Variants in SBF2 observed in about 807,000 individuals in gnomAD.
SBF2 encodes the protein SET binding factor 2.
A neutral mutation model predicts 225.2 loss-of-function variants in SBF2; 112 were observed. That is an observed-to-expected ratio of 0.50 (90% CI 0.43 to 0.58). The LOEUF (loss-of-function observed/expected upper bound fraction) is 0.58. Among genes scored for constraint, SBF2 ranks in the 20% least tolerant of loss-of-function variants. The probability of loss-of-function intolerance (pLI) is 0.00; values close to 1 mark genes in which losing one functional copy is unlikely to be tolerated. For missense variants in SBF2, 1,996 were observed against 2,206.2 expected, an observed-to-expected ratio of 0.90 and a Z score of 1.91; for synonymous variants, 763 against 773.3, an observed-to-expected ratio of 0.99 and a Z score of 0.22.
At chr11:10,122,455 G>A (rs1007015593) in intron 2 of SBF2, among the ~76,000 whole-genome samples, 2 of 152,106 alleles carry the variant, frequency 1.3e-5, no homozygotes, top group African/African-American at 4.8e-5. Context: ...CTCAGAACAG[G>A]CCCTAAAAAC....
At chr11:10,267,295 A>G (rs887098592) in intron 1 of SBF2, among the ~76,000 whole-genome samples, 1 of 151,670 alleles carries the variant, frequency 6.6e-6, no homozygotes, top group Non-Finnish European at 1.5e-5. Flanking sequence ...ACTTTTAAAG[A>G]AATAAGTTTC....
chr11:10,073,225 T>C (rs1950964214), intron 2 of SBF2, among the ~76,000 whole-genome samples: 1 of 152,164 alleles, frequency 6.6e-6, no homozygotes, highest in African/African-American at 2.4e-5. Flanking sequence ...AGAAATAAAG[T>C]AAGCTTTTAC....
intron 1 of SBF2, among the ~76,000 whole-genome samples, chr11:10,210,760 C>T (rs1032615771): frequency 7.4e-5 from 11 of 149,008 alleles, no homozygotes; most frequent in African/African-American, 2.7e-4. Context: ...CACCTGTAAT[C>T]CCAGCACTTT....
At chr11:10,247,800 T>A (rs1959956601) in intron 1 of SBF2, among the ~76,000 whole-genome samples, 2 of 152,216 alleles carry the variant, frequency 1.3e-5, no homozygotes, top group South Asian at 4.2e-4. Context: ...AACACCAAAT[T>A]GAACAACTAT....
In SBF2 at chr11:10,040,595, C is replaced by G. The variant is rs373179409; in HGVS notation, c.279+2249G>C. On this transcript the variant is annotated intron_variant, in intron 3 of 39. Transcript: ENST00000256190. ...GGATGGGGGGGTGCTATAAAGGACACTATTAGATCAAATGACAAAACTGGA... is the reference window on the plus strand; with the variant it reads ...GGATGGGGGGGTGCTATAAAGGACAGTATTAGATCAAATGACAAAACTGGA... 1.2e-4 allele frequency among the ~76,000 whole-genome samples: 19 copies of G among 152,004 alleles called. No individual in the cohort carries two copies. The East Asian group carries it at 2.7e-3, about 22-fold the overall frequency.
chr11:9,997,975 C>A (rs1429464474), intron 9 of SBF2, among the ~76,000 whole-genome samples: 3 of 152,130 alleles, frequency 2.0e-5, no homozygotes, highest in Admixed American at 6.5e-5. Flanking sequence ...CAAGGCAGAG[C>A]CTTGTTTTCA....
At chr11:9,951,317 T>C (rs1006297508) in intron 16 of SBF2, among the ~76,000 whole-genome samples, 4 of 152,206 alleles carry the variant, frequency 2.6e-5, no homozygotes, top group Non-Finnish European at 5.9e-5. Context: ...AGTGAAAAGA[T>C]ACAACTTGAA....
chr11:10,210,161 A>G (rs1293900275), intron 1 of SBF2, among the ~76,000 whole-genome samples: 1 of 152,014 alleles, frequency 6.6e-6, no homozygotes, highest in East Asian at 1.9e-4. Flanking sequence ...CACAAAAATT[A>G]GCTGAGTGTG....
intron 2 of SBF2, among the ~76,000 whole-genome samples, chr11:10,180,718 T>C (rs148333884): frequency 3.6e-4 from 55 of 152,280 alleles, no homozygotes; most frequent in Non-Finnish European, 6.0e-4. Context: ...ATTTGCCCCA[T>C]TGGGGCTATT....
chr11:9,890,568 C>T (rs924205226), intron 17 of SBF2, among the ~76,000 whole-genome samples: 2 of 152,160 alleles, frequency 1.3e-5, no homozygotes, highest in Non-Finnish European at 2.9e-5. Context: ...TCTGGAAAGG[C>T]TTCACTTCAG....
At chr11:9,909,878 C>T (rs1862453627) in intron 16 of SBF2, among the ~76,000 whole-genome samples, 1 of 152,018 alleles carries the variant, frequency 6.6e-6, no homozygotes, top group African/African-American at 2.4e-5. Context: ...ATTGCCATTC[C>T]TGACATGCCA....
At chr11:9,890,437 G>C (rs897018664) in intron 17 of SBF2, among the ~76,000 whole-genome samples, 4 of 152,044 alleles carry the variant, frequency 2.6e-5, no homozygotes, top group African/African-American at 9.7e-5. Flanking sequence ...GGAGAATTTT[G>C]AAGAAAAAAT....
At chr11:10,197,345 T>C (rs1957414485) in intron 1 of SBF2, among the ~76,000 whole-genome samples, 1 of 152,230 alleles carries the variant, frequency 6.6e-6, no homozygotes, top group African/African-American at 2.4e-5. Context: ...ATTGCAATAA[T>C]GTGAGTCACA....
intron 1 of SBF2, among the ~76,000 whole-genome samples, chr11:10,287,740 T>G (rs1174601529): frequency 6.6e-6 from 1 of 152,218 alleles, no homozygotes; most frequent in African/African-American, 2.4e-5. Flanking sequence ...CAGAAACCTG[T>G]GGCTGGTGGC....
intron 2 of SBF2, among the ~76,000 whole-genome samples, chr11:10,070,572 T>C (rs1416917309): frequency 2.0e-5 from 3 of 152,252 alleles, no homozygotes; most frequent in Admixed American, 6.5e-5. Flanking sequence ...CCTTGTAGTA[T>C]AGTTTGAAGT....
chr11:10,257,231 T>C (rs1960939036), intron 1 of SBF2, among the ~76,000 whole-genome samples: 1 of 152,148 alleles, frequency 6.6e-6, no homozygotes, highest in Non-Finnish European at 1.5e-5. Flanking sequence ...AGTACAATCA[T>C]CAACAGGATT....
intron 1 of SBF2, among the ~76,000 whole-genome samples, chr11:10,283,128 A>C (rs1054962347): frequency 6.6e-6 from 1 of 152,214 alleles, no homozygotes; most frequent in South Asian, 2.1e-4. Context: ...TCTTGAAATA[A>C]GCAATTTATC....
intron 2 of SBF2, among the ~76,000 whole-genome samples, chr11:10,115,222 T>C (rs1197195333): frequency 6.6e-6 from 1 of 152,224 alleles, no homozygotes; most frequent in African/African-American, 2.4e-5. Flanking sequence ...CAGATATGTA[T>C]ACTACTATCC....
At chr11:9,877,185 A>G (rs1347143836) in intron 17 of SBF2, among the ~76,000 whole-genome samples, 1 of 152,222 alleles carries the variant, frequency 6.6e-6, no homozygotes, top group Non-Finnish European at 1.5e-5. Flanking sequence ...CATAATAACA[A>G]TACAAAGTAT....
Sources: gnomAD v4.1 joint callset for allele counts (sites outside exome capture counted in the v4.1 genomes callset) on GRCh38, gnomAD v4.1.1 for gene constraint, MANE v1.5 for transcripts, NCBI Gene and HGNC (gene_info 2026-07-23, HGNC 2026-07-21) for gene names.